CYP2C19: variants seen among roughly 807,000 people sequenced by gnomAD.
The protein encoded by CYP2C19 is cytochrome P450 2C19.
In CYP2C19, 59 loss-of-function variants were observed where a neutral mutation model predicts 40.9. The ratio of observed to expected loss-of-function variants is 1.44; its 90% confidence interval spans 1.17 to 1.79. The LOEUF is 1.79. Among genes scored for constraint, CYP2C19 ranks in the 40% most tolerant of loss-of-function variants. The probability of loss-of-function intolerance (pLI) is 0.00; values close to 1 mark genes in which losing one functional copy is unlikely to be tolerated. For missense variants in CYP2C19, 754 were observed against 596.9 expected, an observed-to-expected ratio of 1.26 and a Z score of -2.74; for synonymous variants, 253 against 208.7, an observed-to-expected ratio of 1.21 and a Z score of -1.83.
In CYP2C19 at chr10:94,824,847, C is replaced by T. The variant is rs547486070; in HGVS notation, c.961+4210C>T. Among the ~76,000 whole-genome samples the T allele has an allele frequency of 3.6e-5, 5 of 139,918 alleles. No homozygotes were observed. In the South Asian group the frequency reaches 9.6e-4, roughly 27 times the overall value. The allele number at this position is 139,918 out of a possible 152,430, so 91.8% of individuals were successfully genotyped here. On this transcript the variant is annotated intron_variant, in intron 6 of 8. Transcript: ENST00000371321. ...TCAGTCCCCAGAGTGTGATATTCCCCTTCCTGTGTCAATGTGATCTCATTG... is the reference window on the plus strand; with the variant it reads ...TCAGTCCCCAGAGTGTGATATTCCCTTTCCTGTGTCAATGTGATCTCATTG...
chr10:94,817,417 G>A (rs1263369284), intron 5 of CYP2C19, among the ~76,000 whole-genome samples: 2 of 144,004 alleles, frequency 1.4e-5, no homozygotes, highest in Non-Finnish European at 3.0e-5. Flanking sequence ...CCCACTTTTT[G>A]ATGGGGTTGT....
At chr10:94,764,588 C>A (rs540720496) in intron 1 of CYP2C19, among the ~76,000 whole-genome samples, 4 of 152,128 alleles carry the variant, frequency 2.6e-5, no homozygotes, top group African/African-American at 9.7e-5. Flanking sequence ...GCTGTAGCTA[C>A]TTCCTGCTGG....
rs111643845 is a variant in CYP2C19, at chr10:94,837,732, C to T, written c.962-5105C>T. On this transcript the variant is annotated intron_variant, in intron 6 of 8. Coordinates refer to ENST00000371321, the MANE Select transcript of CYP2C19 (RefSeq NM_000769.4). ...CCAGGAGACAGTTAACCTCCTGGCC[C>T]TCAATGGTCAAGCATACCCGGGGTT... Among the ~76,000 whole-genome samples the T allele has an allele frequency of 2.5e-3, 381 of 152,204 alleles. 2 individuals are homozygous for T. The highest frequency in any genetic ancestry group is 8.0e-3 in the African/African-American group (333 of 41,528).
At chr10:94,769,875 T>C (rs1281883792) in intron 1 of CYP2C19, among the ~76,000 whole-genome samples, 2 of 152,136 alleles carry the variant, frequency 1.3e-5, no homozygotes, top group East Asian at 3.9e-4. Flanking sequence ...GTTTCTCATA[T>C]TCATGTAGAT....
intron 5 of CYP2C19, among the ~76,000 whole-genome samples, chr10:94,784,366 T>C (rs753881234): frequency 1.3e-5 from 2 of 152,150 alleles, no homozygotes; most frequent in South Asian, 2.1e-4. Context: ...CATTTGTGTA[T>C]GTTTCTTTAT....
rs951776021 is a variant in CYP2C19, at chr10:94,847,061, T to TTTTA, written c.1150-2836_1150-2833dup. On this transcript the variant is annotated intron_variant, in intron 7 of 8. Coordinates refer to ENST00000371321, the MANE Select transcript of CYP2C19 (RefSeq NM_000769.4). ...CATGTCAACAGAGACTTCAACTTTA[T>TTTTA]TTTATTTATTTATTTATTTATTTTT... Among the ~76,000 whole-genome samples the TTTTA allele has an allele frequency of 9.8e-4, 148 of 151,492 alleles. 1 individual carries two copies. The highest frequency in any genetic ancestry group is 2.7e-3 in the South Asian group (13 of 4,780).
intron 5 of CYP2C19, among the ~76,000 whole-genome samples, chr10:94,816,584 T>A (rs936377798): frequency 2.6e-5 from 4 of 152,152 alleles, no homozygotes; most frequent in South Asian, 2.1e-4. Flanking sequence ...TCTTTCTTTT[T>A]TTTTTTATTA....
chr10:94,827,872 C>T (rs1274695474), intron 6 of CYP2C19, among the ~76,000 whole-genome samples: 1 of 151,800 alleles, frequency 6.6e-6, no homozygotes, highest in Non-Finnish European at 1.5e-5. Context: ...TGTCTTTGTT[C>T]TTGTTGGTTT....
intron 6 of CYP2C19, among the ~76,000 whole-genome samples, chr10:94,826,776 T>A (rs1467313305): frequency 6.6e-6 from 1 of 152,202 alleles, no homozygotes; most frequent in South Asian, 2.1e-4. Context: ...GCCCATTCAG[T>A]ATGATGTTGG....
chr10:94,773,287 G>A (rs946205297), intron 1 of CYP2C19, among the ~76,000 whole-genome samples: 2 of 152,186 alleles, frequency 1.3e-5, no homozygotes, highest in Admixed American at 6.5e-5. Flanking sequence ...ATGAAGCTGC[G>A]GACCCACATG....
intron 5 of CYP2C19, among the ~76,000 whole-genome samples, chr10:94,798,687 T>C (rs968934521): frequency 6.6e-6 from 1 of 152,074 alleles, no homozygotes; most frequent in African/African-American, 2.4e-5. Flanking sequence ...ATTGGGTGCA[T>C]ATATATTTAG....
rs753605541 is a variant in CYP2C19, at chr10:94,781,920, G to A, written c.742G>A (p.Val248Ile). 2 of 1,503,956 alleles carry A rather than the reference G, an allele frequency of 1.3e-6. No homozygotes were observed. The highest frequency in any genetic ancestry group is 1.8e-6 in the Non-Finnish European group (2 of 1,137,886). The allele number at this position is 1,503,956 out of a possible 1,614,324, so 93.2% of individuals were successfully genotyped here. The change falls in exon 5 of 9, where the codon GTA (valine) becomes ATA (isoleucine). Residue 248 changes from valine to isoleucine, a missense_variant. Coordinates refer to ENST00000371321, the MANE Select transcript of CYP2C19 (RefSeq NM_000769.4). ...TATGGAAAGTGATATTTTGGAGAAAGTAAAAGAACACCAAGAATCGATGGA... is the reference window on the plus strand; with the variant it reads ...TATGGAAAGTGATATTTTGGAGAAAATAAAAGAACACCAAGAATCGATGGA... ...AFMESDILEK[V>I]KEHQESMDIN...
At chr10:94,841,442 C>G (rs537185058) in intron 6 of CYP2C19, among the ~76,000 whole-genome samples, 1 of 152,276 alleles carries the variant, frequency 6.6e-6, no homozygotes, top group East Asian at 1.9e-4. Flanking sequence ...CCAGCCATAA[C>G]AGACACAGAC....
intron 7 of CYP2C19, among the ~76,000 whole-genome samples, chr10:94,843,614 A>G (rs1228937218): frequency 6.6e-6 from 1 of 152,168 alleles, no homozygotes; most frequent in Non-Finnish European, 1.5e-5. Context: ...GATGACCTTA[A>G]TCTATCAACT....
In CYP2C19 at chr10:94,842,912, C is replaced by T. The variant is rs766182151; in HGVS notation, c.1037C>T (p.Pro346Leu). ...SPCMQDRGHMPYTDAVVHEVQ... is the reference protein window; with the variant it reads ...SPCMQDRGHMLYTDAVVHEVQ... Reference sequence around the variant, plus strand: ...TGCATGCAGGACAGGGGCCACATGCCCTACACAGATGCTGTGGTGCACGAG... The same window carrying T: ...TGCATGCAGGACAGGGGCCACATGCTCTACACAGATGCTGTGGTGCACGAG... The change falls in exon 7 of 9, where the codon CCC (proline) becomes CTC (leucine). Residue 346 changes from proline to leucine, a missense_variant. Transcript: ENST00000371321. 4 of 1,614,146 alleles carry T rather than the reference C, an allele frequency of 2.5e-6. 1 individual carries two copies. The South Asian group carries it at 4.4e-5, about 18-fold the overall frequency.
rs984252674 is a variant in CYP2C19 at position 94,854,562 on chromosome 10, C to G, written c.*1648C>G. ...ATAATTGATTATGCTTTTCACAGCT[C>G]ATCTCCTAGAACAAGCTACTTACAA... On this transcript the variant is annotated 3_prime_UTR_variant, in exon 9 of 9. Coordinates refer to ENST00000371321, the MANE Select transcript of CYP2C19 (RefSeq NM_000769.4). 1.4e-4 allele frequency among the ~76,000 whole-genome samples: 22 copies of G among 151,988 alleles called. No homozygotes were observed. The highest frequency in any genetic ancestry group is 2.6e-4 in the Non-Finnish European group (18 of 67,976).
At chr10:94,798,814 ATTTTT>A (rs61240923) in intron 5 of CYP2C19, among the ~76,000 whole-genome samples, 1,109 of 67,732 alleles carry the variant, frequency 0.016, 10 homozygotes, top group East Asian at 0.066. Context: ...GCAACCCCTG[ATTTTT>A]TTTTTTTTTT....
rs775549674 is a variant in CYP2C19 at position 94,852,956 on chromosome 10, GCT to G, written c.*47_*48del. On this transcript the variant is annotated 3_prime_UTR_variant, in exon 9 of 9. Transcript: ENST00000371321. ...TGGCTGCTCCTGTGCTGTCCCTGCA[GCT>G]CTCTTTCCTCTGGTCCAAATTTCAC... The G allele has an allele frequency of 5.6e-6, 9 of 1,603,192 alleles. No individual in the cohort carries two copies. The highest frequency in any genetic ancestry group is 7.7e-6 in the Non-Finnish European group (9 of 1,172,250).
intron 5 of CYP2C19, among the ~76,000 whole-genome samples, chr10:94,806,052 C>CA (rs1359740713): frequency 5.7e-5 from 8 of 139,162 alleles, no homozygotes; most frequent in Admixed American, 4.5e-4. Context: ...GATAACTGTA[C>CA]ATTTCTCCTT....
Sources: allele counts gnomAD v4.1 joint callset (sites outside exome capture counted in the v4.1 genomes callset), GRCh38; gene constraint gnomAD v4.1.1; transcripts MANE v1.5; gene names NCBI Gene and HGNC (gene_info 2026-07-23, HGNC 2026-07-21).